Variants in SZT2 observed in about 807,000 individuals in gnomAD.
SZT2 encodes the protein KICSTOR complex protein SZT2.
In SZT2, 216 loss-of-function variants were observed where a neutral mutation model predicts 404.2. The observed-to-expected ratio is 0.53, with a 90% CI of 0.48 to 0.60. The LOEUF (loss-of-function observed/expected upper bound fraction) is 0.60. Among genes scored for constraint, SZT2 ranks in the 20% least tolerant of loss-of-function variants. The probability of loss-of-function intolerance (pLI) is 0.00; values close to 1 mark genes in which losing one functional copy is unlikely to be tolerated. For synonymous variants in SZT2, 1,693 were observed against 1,749.9 expected (o/e 0.97, Z 0.81); for missense variants, 3,857 against 4,459.2 (o/e 0.86, Z 3.85).
intron 12 of SZT2, 50 bp from the exon 13 acceptor site, chr1:43,422,430 C>G (rs773513279): frequency 2.0e-6 from 3 of 1,522,812 alleles, no homozygotes; most frequent in South Asian, 2.5e-5. Flanking sequence ...TTCCTTTTCT[C>G]CAAGCCTGGG....
chr1:43,422,618 T>G lies in SZT2; in HGVS notation c.1908T>G (p.Val636=). ...SFVLVEGYSY[V]KLLSSAPDQP... is the part of the protein sequence containing the mutation. ...TACTAGTCGAGGGCTATTCTTATGT[T>G]AAGCTGCTCTCCAGGTGGGCAAAGT... Residue 636 remains valine (V), a synonymous_variant, in exon 13 of 72, where the codon GTT becomes GTG. Coordinates refer to ENST00000634258, the MANE Select transcript of SZT2 (RefSeq NM_001365999.1). 1 of 1,594,632 alleles carries G rather than the reference T, an allele frequency of 6.3e-7. No individual in the cohort carries two copies. Among genetic ancestry groups the G allele is most frequent in the Non-Finnish European group, 8.5e-7 (1 of 1,178,008 alleles).
chr1:43,437,050 C>T lies in SZT2; in HGVS notation c.6035-121C>T, dbSNP rs1654530836. The T allele has an allele frequency of 3.1e-6, 4 of 1,302,374 alleles. No individual in the cohort carries two copies. Among genetic ancestry groups the T allele is most frequent in the Non-Finnish European group, 4.3e-6 (4 of 937,408 alleles). 80.7% of individuals were successfully genotyped at this position (1,302,374 alleles called of 1,614,324 possible). A position where few individuals can be genotyped will look rare whatever the true frequency, so the allele number is the denominator to read the frequency against. ...GTTACCCAGAATGATCATCATTTCTCTGCAATAGTCAGGGATGAGTCTGGA... is the reference window on the plus strand; with the variant it reads ...GTTACCCAGAATGATCATCATTTCTTTGCAATAGTCAGGGATGAGTCTGGA... On this transcript the variant is annotated intron_variant, in intron 42 of 71. Coordinates refer to ENST00000634258, the MANE Select transcript of SZT2 (RefSeq NM_001365999.1). This position sits in a 1 kb window ranked among gnomAD's most constrained non-coding sequence, Gnocchi z 5.3.
chr1:43,438,741 G>A lies in SZT2; in HGVS notation c.6551G>A (p.Arg2184His), dbSNP rs1316724670. ...TDELVRVLCR[R>H]LDEATLDVIT... ...GAGCTCGTGCGAGTTCTATGTCGGC[G>A]CCTGGATGAGGCCACGCTGGACGTC... The change falls in exon 47 of 72, where the codon CGC becomes CAC. Residue 2184 changes from arginine (R) to histidine (H), a missense_variant. Physicochemically the swap from Arg to His is conservative, Grantham distance 29 (BLOSUM62 0). Coordinates refer to ENST00000634258, the MANE Select transcript of SZT2 (RefSeq NM_001365999.1). The A allele has an allele frequency of 2.5e-6, 4 of 1,614,068 alleles. No individual in the cohort carries two copies. Among genetic ancestry groups the A allele is most frequent in the South Asian group, 1.1e-5 (1 of 91,076 alleles).
At position 43,439,567 on chromosome 1, in the gene SZT2, A is replaced by C. The variant is rs1314879621; in HGVS notation, c.6878-38A>C. On this transcript the variant is annotated intron_variant, in intron 49 of 71. Coordinates refer to ENST00000634258, the MANE Select transcript of SZT2 (RefSeq NM_001365999.1). The surrounding 1 kb of genome is among the most constrained non-coding windows in gnomAD (Gnocchi z 4.2). ...AGGGTCGTGGGAGGGGTGGTCTGCA[A>C]GTCCCAGAGCTGAGCCTTCCTATGG... 1.9e-6 allele frequency: 3 copies of C among 1,612,276 alleles called. No individual in the cohort carries two copies. The highest frequency in any genetic ancestry group is 3.3e-4 in the Middle Eastern group (2 of 6,076).
chr1:43,438,878 C>A, intron 47 of SZT2, 51 bp from the exon 48 acceptor site: 1 of 1,613,230 alleles, frequency 6.2e-7, no homozygotes, highest in Non-Finnish European at 8.5e-7. Context: ...CCAGGACAGT[C>A]TAGGCTGGAA....
rs1321914423 is a variant in SZT2, at chr1:43,447,549, A to G, written c.9291A>G (p.Thr3097=). 6.2e-7 allele frequency: 1 copy of G among 1,613,750 alleles called. No individual in the cohort carries two copies. Among genetic ancestry groups the G allele is most frequent in the African/African-American group, 1.3e-5 (1 of 74,918 alleles). ...CTCCTGTTACTTATCCCTCAGGGAC[A>G]TTGGAGCTCCCCACACCACTCATTG... ...HFGRNHIYQG[T]LELPTPLIAA... The change falls in exon 67 of 72, where the codon ACA becomes ACG. Residue 3097 remains threonine, a synonymous_variant. Transcript: ENST00000634258.
At chr1:43,399,918 G>A (rs1247943117) in intron 1 of SZT2, among the ~76,000 whole-genome samples, 2 of 151,888 alleles carry the variant, frequency 1.3e-5, no homozygotes, top group African/African-American at 4.8e-5. Context: ...TATCTCCCAA[G>A]GTGTAATTTC....
At position 43,453,337 on chromosome 1, in the gene SZT2, G is replaced by C; in HGVS notation, c.*2857G>C. The C allele has an allele frequency of 7.9e-7, 1 of 1,265,306 alleles. No homozygotes were observed. The allele number at this position is 1,265,306 out of a possible 1,614,324, so 78.4% of individuals were successfully genotyped here. ...CTGGCGTCCTCGACTCCCTGAACCT[G>C]CATCAGGGTCATGGGTCACAGGGGT... On this transcript the variant is annotated 3_prime_UTR_variant, in exon 72 of 72. Coordinates refer to ENST00000634258, the MANE Select transcript of SZT2 (RefSeq NM_001365999.1).
chr1:43,431,935 T>C, intron 36 of SZT2, 34 bp downstream of exon 36: 2 of 1,611,270 alleles, frequency 1.2e-6, no homozygotes, highest in Non-Finnish European at 1.7e-6. Flanking sequence ...AGGGTCACCT[T>C]GGGGCCCGTC....
Position 43,433,169 on chromosome 1 carries a change from T to C in SZT2, c.5783T>C (p.Val1928Ala). 1 of 1,613,842 alleles carries C rather than the reference T, an allele frequency of 6.2e-7. No individual in the cohort carries two copies. The highest frequency in any genetic ancestry group is 1.3e-5 in the African/African-American group (1 of 75,032). The change falls in exon 40 of 72, where the codon GTG becomes GCG. Residue 1928 changes from valine (V) to alanine (A), a missense_variant. Val to Ala is a moderately conservative substitution (Grantham distance 64). Transcript: ENST00000634258. ...WLIVRVLQDRVEVYAHARSLI... is the reference protein window; with the variant it reads ...WLIVRVLQDRAEVYAHARSLI... ...ATTGTCCGGGTCCTGCAGGACCGTG[T>C]GGAAGTGTATGCACATGCACGGTAA...
In SZT2 at chr1:43,453,477, T is replaced by C. The variant is rs1656673634; in HGVS notation, c.*2997T>C. 2 of 1,559,890 alleles carry C rather than the reference T, an allele frequency of 1.3e-6. No individual in the cohort carries two copies. Among genetic ancestry groups the C allele is most frequent in the Admixed American group, 1.8e-5 (1 of 54,498 alleles). On this transcript the variant is annotated 3_prime_UTR_variant, in exon 72 of 72. Transcript: ENST00000634258. ...CTCCCGGGGACGGCCCCCAGCCCCA[T>C]TTCCCCCTTCTCTTGGTCTCCTGCA...
intron 39 of SZT2, 55 bp downstream of exon 39, chr1:43,432,854 G>A (rs1654061156): frequency 6.2e-7 from 1 of 1,605,786 alleles, no homozygotes; most frequent in Non-Finnish European, 8.5e-7. Flanking sequence ...TGGGCTTAGG[G>A]CTGTACTGGG....
rs1187143578 is a variant in SZT2, at chr1:43,441,349, C to T, written c.7480C>T (p.Pro2494Ser). ...VRTPGGAERA[P>S]GSDSGAQRQK... ...GACTCCTGGTGGAGCTGAGCGGGCG[C>T]CAGGCTCAGATTCTGGAGCCCAGAG... The change falls in exon 53 of 72, where the codon CCA becomes TCA. Residue 2494 changes from proline to serine, a missense_variant. By Grantham distance (74) the Pro-to-Ser change is moderately conservative. This residue lies in a region of SZT2 where 573 missense variants were observed against 592.4 expected (regional missense o/e 0.97). Transcript: ENST00000634258. The surrounding 1 kb of genome is among the most constrained non-coding windows in gnomAD (Gnocchi z 4.8). The T allele has an allele frequency of 1.2e-6, 2 of 1,614,150 alleles. No homozygotes were observed. Among genetic ancestry groups the T allele is most frequent in the Admixed American group, 1.7e-5 (1 of 60,014 alleles).
At position 43,448,875 on chromosome 1, in the gene SZT2, C is replaced by A; in HGVS notation, c.10086+147C>A. 1 of 728,392 alleles carries A rather than the reference C, an allele frequency of 1.4e-6. No homozygotes were observed. The allele number at this position is 728,392 out of a possible 1,614,324, so 45.1% of individuals were successfully genotyped here. A position where few individuals can be genotyped will look rare whatever the true frequency, so the allele number is the denominator to read the frequency against. On this transcript the variant is annotated intron_variant, in intron 70 of 71. Coordinates refer to ENST00000634258, the MANE Select transcript of SZT2 (RefSeq NM_001365999.1). The surrounding 1 kb of genome is among the most constrained non-coding windows in gnomAD (Gnocchi z 4.2). The stretch of plus-strand genomic sequence containing the variant: ...TACACAGATACATGTAAAACCCTTC[C>A]AGTACCGGGCATCGAGCTACAGCAT...
Position 43,425,318 on chromosome 1 carries a change from A to T in SZT2, c.2645+111A>T. ...GATGATCTTGATCCCAAAGTCAGGG[A>T]GGGGGTGCGGTGTTTAGATGCTTCA... On this transcript the variant is annotated intron_variant, in intron 18 of 71. Coordinates refer to ENST00000634258, the MANE Select transcript of SZT2 (RefSeq NM_001365999.1). This position sits in a 1 kb window ranked among gnomAD's most constrained non-coding sequence, Gnocchi z 4.3. The T allele has an allele frequency of 6.6e-7, 1 of 1,513,960 alleles. No individual in the cohort carries two copies. The highest frequency in any genetic ancestry group is 9.1e-7 in the Non-Finnish European group (1 of 1,104,410). The allele number at this position is 1,513,960 out of a possible 1,614,324, so 93.8% of individuals were successfully genotyped here.
At chr1:43,416,872 T>C (rs1651779230) in intron 7 of SZT2, among the ~76,000 whole-genome samples, 1 of 152,204 alleles carries the variant, frequency 6.6e-6, no homozygotes, top group African/African-American at 2.4e-5. Flanking sequence ...GAATGCAGAA[T>C]TTGAAATCTG....
At chr1:43,433,851 C>T (rs1043300586) in intron 40 of SZT2, among the ~76,000 whole-genome samples, 1 of 152,232 alleles carries the variant, frequency 6.6e-6, no homozygotes, top group Non-Finnish European at 1.5e-5. Flanking sequence ...CTGGTGCTTA[C>T]ATGAATCCAC....
chr1:43,404,015 G>A lies in SZT2; in HGVS notation c.327+241G>A, dbSNP rs1649994965. On this transcript the variant is annotated intron_variant, in intron 3 of 71. Coordinates refer to ENST00000634258, the MANE Select transcript of SZT2 (RefSeq NM_001365999.1). ...ACTCGAGCTCAGGAGTTCGAGACTAGCCTGGGCCACATGGCAAAACTCCCT... is the reference window on the plus strand; with the variant it reads ...ACTCGAGCTCAGGAGTTCGAGACTAACCTGGGCCACATGGCAAAACTCCCT... 9.1e-6 allele frequency: 5 copies of A among 551,944 alleles called. No individual in the cohort carries two copies. The Admixed American group carries it at 1.5e-4, about 17-fold the overall frequency. The allele number at this position is 551,944 out of a possible 1,614,324, so 34.2% of individuals were successfully genotyped here. A position where few individuals can be genotyped will look rare whatever the true frequency, so the allele number is the denominator to read the frequency against.
chr1:43,422,840 G>T lies in SZT2; in HGVS notation c.1994G>T (p.Arg665Leu). The change falls in exon 14 of 72, where the codon CGC (arginine) becomes CTC (leucine). Residue 665 changes from arginine to leucine, a missense_variant. Transcript: ENST00000634258. ...TCCAAGGCCCCATGCATGGTTCTTC[G>T]CCTGGGTTTTCCCATTGGCACACCA... ...IISKAPCMVLRLGFPIGTPAP... is the reference protein window; with the variant it reads ...IISKAPCMVLLLGFPIGTPAP... 6.3e-7 allele frequency: 1 copy of T among 1,592,980 alleles called. No individual in the cohort carries two copies. Among genetic ancestry groups the T allele is most frequent in the Non-Finnish European group, 8.5e-7 (1 of 1,177,456 alleles).
Sources: allele counts gnomAD v4.1 joint callset (sites outside exome capture counted in the v4.1 genomes callset), GRCh38; gene constraint gnomAD v4.1.1; regional missense constraint gnomAD v4.1.1; non-coding constraint Gnocchi (gnomAD v3.1); transcripts MANE v1.5; gene names NCBI Gene and HGNC (gene_info 2026-07-23, HGNC 2026-07-21).